The following TLK2 variants were observed in gnomAD, a reference collection of about 807,000 sequenced individuals.
TLK2 encodes the protein tousled like kinase 2, also known as serine/threonine-protein kinase tousled-like 2.
In TLK2, 6 loss-of-function variants were observed where a neutral mutation model predicts 117.3. The ratio of observed to expected loss-of-function variants is 0.05; its 90% CI spans 0.03 to 0.10. The LOEUF (loss-of-function observed/expected upper bound fraction) is 0.10. Ranked by LOEUF, TLK2 falls within the 10% of genes least tolerant of loss-of-function variation. The probability of loss-of-function intolerance (pLI) is 1.00; values close to 1 mark genes in which losing one functional copy is unlikely to be tolerated. For synonymous variants in TLK2, 257 were observed against 316.7 expected (o/e 0.81, Z 2.00); for missense variants, 299 against 901.2 (o/e 0.33, Z 8.56).
chr17:62,524,939 T>A lies in TLK2; in HGVS notation c.363+608T>A, dbSNP rs564564122. Among the ~76,000 whole-genome samples the A allele has an allele frequency of 5.3e-5, 8 of 152,338 alleles. No homozygotes were observed. In the East Asian group the frequency reaches 1.5e-3, roughly 29 times the overall value. ...GCATCTACTGGGCAGAAGTCAGGGA[T>A]GCTGGTAAACATTCTGTAATGTTAG... On this transcript the variant is annotated intron_variant, in intron 6 of 21. Transcript: ENST00000346027.
At chr17:62,499,507 A>C (rs542799294) in intron 2 of TLK2, among the ~76,000 whole-genome samples, 4 of 152,234 alleles carry the variant, frequency 2.6e-5, no homozygotes, top group Admixed American at 2.6e-4. Flanking sequence ...AAAACAAAGA[A>C]AATTGTTACA....
chr17:62,560,518 T>C (rs889536509), intron 10 of TLK2, among the ~76,000 whole-genome samples: 1 of 145,302 alleles, frequency 6.9e-6, no homozygotes, highest in Admixed American at 7.1e-5. Context: ...TATATAATAA[T>C]GTGATAATTA....
chr17:62,542,267 T>C (rs1411311341), intron 7 of TLK2, among the ~76,000 whole-genome samples: 2 of 152,214 alleles, frequency 1.3e-5, no homozygotes, highest in African/African-American at 4.8e-5. Flanking sequence ...TAATGTCAAA[T>C]AATGTGTTCC....
intron 2 of TLK2, among the ~76,000 whole-genome samples, chr17:62,500,225 A>G (rs2074075668): frequency 6.6e-6 from 1 of 151,852 alleles, no homozygotes; most frequent in South Asian, 2.1e-4. Flanking sequence ...GTGTACTACC[A>G]CACCTGGCTA....
chr17:62,493,733 C>T (rs919290061), intron 2 of TLK2, among the ~76,000 whole-genome samples: 22 of 152,258 alleles, frequency 1.4e-4, no homozygotes, highest in Non-Finnish European at 2.4e-4. Context: ...AACTAAGCTA[C>T]CATGTAACTT....
In TLK2 at chr17:62,608,043, T is replaced by G; in HGVS notation, c.1974T>G (p.Pro658=). ...IFYQCLYGRK[P]FGHNQSQQDI... ...ATTTGTTTGTTTTTATGTGACAGCC[T>G]TTTGGCCATAACCAGTCTCAGCAAG... The change falls in exon 21 of 22, where the codon CCT becomes CCG. Residue 658 remains proline (P), a splice_region_variant and synonymous_variant. Coordinates refer to ENST00000346027, the MANE Select transcript of TLK2 (RefSeq NM_006852.6). 3 of 1,608,710 alleles carry G rather than the reference T, an allele frequency of 1.9e-6. No individual in the cohort carries two copies. The highest frequency in any genetic ancestry group is 2.5e-6 in the Non-Finnish European group (3 of 1,178,492).
Position 62,596,591 on chromosome 17 carries a change from A to C in TLK2, c.1467A>C (p.Ala489=). The change falls in exon 17 of 22, where the codon GCA becomes GCC. Residue 489 remains alanine (A), a synonymous_variant. Transcript: ENST00000346027. ...TTTTCCCTTTTGTTTACAGGCATGC[A>C]TGTAGGGAATACCGGATTCATAAAG... The part of the protein sequence containing the change: ...DEKKENYHKH[A]CREYRIHKEL... The C allele has an allele frequency of 1.9e-6, 3 of 1,613,820 alleles. No individual in the cohort carries two copies. The highest frequency in any genetic ancestry group is 2.5e-6 in the Non-Finnish European group (3 of 1,179,696).
intron 10 of TLK2, among the ~76,000 whole-genome samples, chr17:62,562,665 G>C (rs1416298230): frequency 6.6e-6 from 1 of 152,196 alleles, no homozygotes; most frequent in East Asian, 1.9e-4. Flanking sequence ...AGATCCAAGG[G>C]TTGGTGAAGA....
At chr17:62,563,622 T>C (rs183927766) in intron 10 of TLK2, among the ~76,000 whole-genome samples, 2 of 152,330 alleles carry the variant, frequency 1.3e-5, no homozygotes, top group Admixed American at 6.5e-5. Flanking sequence ...GTATCATCTC[T>C]CACAGTACTT....
At chr17:62,507,134 C>T (rs1021314125) in intron 2 of TLK2, among the ~76,000 whole-genome samples, 35 of 151,572 alleles carry the variant, frequency 2.3e-4, no homozygotes, top group Non-Finnish European at 5.9e-5. Flanking sequence ...TTTGGCGGGG[C>T]GCGCTGAGTC....
intron 9 of TLK2, among the ~76,000 whole-genome samples, chr17:62,554,432 C>T (rs1352636145): frequency 3.3e-5 from 5 of 151,886 alleles, no homozygotes; most frequent in African/African-American, 4.8e-5. Flanking sequence ...AAATATAAAA[C>T]GTTATCCTGG....
intron 2 of TLK2, among the ~76,000 whole-genome samples, chr17:62,490,224 T>C (rs563522009): frequency 9.8e-5 from 15 of 152,378 alleles, no homozygotes; most frequent in African/African-American, 3.4e-4. Flanking sequence ...GACCTTCTCA[T>C]TGTGTTTTCT....
At chr17:62,492,516 G>A (rs796109948) in intron 2 of TLK2, among the ~76,000 whole-genome samples, 3 of 151,796 alleles carry the variant, frequency 2.0e-5, no homozygotes, top group African/African-American at 7.2e-5. Flanking sequence ...GGAGTGCAGT[G>A]GCACGATCTT....
At chr17:62,495,683 G>A (rs2073591391) in intron 2 of TLK2, among the ~76,000 whole-genome samples, 2 of 147,944 alleles carry the variant, frequency 1.4e-5, no homozygotes, top group Non-Finnish European at 3.0e-5. Flanking sequence ...ATTGGAGACG[G>A]AGTCTTACTC....
chr17:62,502,029 ATT>A (rs371212708), intron 2 of TLK2, among the ~76,000 whole-genome samples: 21 of 137,460 alleles, frequency 1.5e-4, no homozygotes, highest in African/African-American at 4.9e-4. Flanking sequence ...AAAAATACCA[ATT>A]TTTTTTTTTT....
intron 7 of TLK2, among the ~76,000 whole-genome samples, chr17:62,536,922 A>G (rs1388347136): frequency 2.6e-5 from 4 of 152,226 alleles, no homozygotes; most frequent in Non-Finnish European, 5.9e-5. Flanking sequence ...GAATTTGAGT[A>G]TTATGAAAGT....
chr17:62,493,223 G>T (rs889360665), intron 2 of TLK2, among the ~76,000 whole-genome samples: 29 of 152,224 alleles, frequency 1.9e-4, no homozygotes, highest in African/African-American at 6.5e-4. Flanking sequence ...AATCATAGCA[G>T]TATTTGTCCT....
chr17:62,536,019 G>A (rs2077089558), intron 6 of TLK2, 151 bp from the exon 7 acceptor site: 4 of 830,242 alleles, frequency 4.8e-6, no homozygotes, highest in African/African-American at 1.7e-5. Flanking sequence ...CAATGATAAT[G>A]TTGGTATGCT....
intron 2 of TLK2, among the ~76,000 whole-genome samples, chr17:62,485,913 C>T (rs1033307858): frequency 6.6e-6 from 1 of 151,662 alleles, no homozygotes; most frequent in Non-Finnish European, 1.5e-5. Context: ...CTCCGCCTCC[C>T]AGGTTCACGC....
Sources: allele counts gnomAD v4.1 joint callset (sites outside exome capture counted in the v4.1 genomes callset), GRCh38; gene constraint gnomAD v4.1.1; transcripts MANE v1.5; gene names NCBI Gene and HGNC (gene_info 2026-07-23, HGNC 2026-07-21).